Variants in ERBB4 observed in about 807,000 individuals in gnomAD.
The protein encoded by ERBB4 is receptor tyrosine-protein kinase erbB-4.
In ERBB4, 42 loss-of-function variants were observed where a neutral mutation model predicts 158.0. The ratio of observed to expected loss-of-function variants is 0.27; its 90% confidence interval spans 0.21 to 0.34. The LOEUF is 0.34. Ranked by LOEUF, ERBB4 falls within the 10% of genes least tolerant of loss-of-function variation. The pLI is 1.00. For missense variants in ERBB4, 1,333 were observed against 1,624.1 expected (o/e 0.82, Z 3.08); for synonymous variants, 583 against 558.7 (o/e 1.04, Z -0.61).
chr2:212,072,438 A>G (rs2078149696), intron 2 of ERBB4, among the ~76,000 whole-genome samples: 1 of 151,956 alleles, frequency 6.6e-6, no homozygotes, highest in Non-Finnish European at 1.5e-5. Context: ...CTCTGCATCC[A>G]CAACATGATC....
chr2:212,454,006 T>C (rs369921276), intron 1 of ERBB4, among the ~76,000 whole-genome samples: 12 of 151,912 alleles, frequency 7.9e-5, no homozygotes, highest in Non-Finnish European at 1.6e-4. Context: ...AGTGGTGCGA[T>C]CTCAGCTCAC....
intron 1 of ERBB4, among the ~76,000 whole-genome samples, chr2:212,448,310 C>T (rs1052776670): frequency 2.0e-5 from 3 of 152,074 alleles, no homozygotes; most frequent in African/African-American, 4.8e-5. Flanking sequence ...ACATGAATTG[C>T]GTACATCAGA....
intron 2 of ERBB4, among the ~76,000 whole-genome samples, chr2:211,956,029 AGTGT>A (rs3070122): frequency 0.055 from 8,110 of 146,374 alleles, 231 homozygotes; most frequent in Middle Eastern, 0.09. Flanking sequence ...TCATCTCTAA[AGTGT>A]GTGTGTGTGT....
intron 1 of ERBB4, among the ~76,000 whole-genome samples, chr2:212,173,599 T>C (rs1164955886): frequency 6.6e-6 from 1 of 152,146 alleles, no homozygotes; most frequent in Non-Finnish European, 1.5e-5. Context: ...TTTCACTGAA[T>C]GCATGCACAA....
intron 19 of ERBB4, among the ~76,000 whole-genome samples, chr2:211,580,861 A>AGATT (rs2068070641): frequency 7.4e-4 from 3 of 4,066 alleles, no homozygotes; most frequent in Admixed American, 0.019. Context: ...TATAGTATGC[A>AGATT]TATACATATA....
At chr2:211,717,555 T>C (rs13411267) in intron 7 of ERBB4, among the ~76,000 whole-genome samples, 105,740 of 152,064 alleles carry the variant, frequency 0.7, 37,122 homozygotes, top group Non-Finnish European at 0.73. Flanking sequence ...CTCGGCCTGG[T>C]GCGGTGGCTC....
intron 3 of ERBB4, among the ~76,000 whole-genome samples, chr2:211,810,301 C>A (rs2076719984): frequency 6.6e-6 from 1 of 152,118 alleles, no homozygotes; most frequent in African/African-American, 2.4e-5. Flanking sequence ...GTTAAAGTCT[C>A]CCATTATTAT....
At chr2:211,543,550 T>C (rs1430161906) in intron 20 of ERBB4, among the ~76,000 whole-genome samples, 2 of 151,960 alleles carry the variant, frequency 1.3e-5, no homozygotes, top group African/African-American at 4.8e-5. Flanking sequence ...GGACTTCAAA[T>C]GTGTAGGTGT....
intron 1 of ERBB4, among the ~76,000 whole-genome samples, chr2:212,319,835 C>A (rs1183466630): frequency 6.7e-6 from 1 of 150,168 alleles, no homozygotes; most frequent in Non-Finnish European, 1.5e-5. Context: ...CATCATTTAA[C>A]ACATATTTGT....
intron 1 of ERBB4, among the ~76,000 whole-genome samples, chr2:212,525,111 G>A (rs1176067327): frequency 6.6e-6 from 1 of 151,862 alleles, no homozygotes; most frequent in Non-Finnish European, 1.5e-5. Flanking sequence ...ATCCTGGTAT[G>A]GAATATACTT....
Position 211,816,119 on chromosome 2 carries a change from A to G in ERBB4, c.422-27960T>C, listed in dbSNP as rs537274921. ...AGACTTGCCTTGTAATTGTGAGCCA[A>G]TTCTCCCTAATAAACTCCCTTTTTT... On this transcript the variant is annotated intron_variant, in intron 3 of 27. Transcript: ENST00000342788. Among the ~76,000 whole-genome samples, 4 of 152,230 alleles carry G rather than the reference A, an allele frequency of 2.6e-5. No individual in the cohort carries two copies. The South Asian group carries it at 8.3e-4, about 32-fold the overall frequency.
At chr2:212,062,450 A>C (rs2077808028) in intron 2 of ERBB4, among the ~76,000 whole-genome samples, 1 of 104,168 alleles carries the variant, frequency 9.6e-6, no homozygotes, top group Non-Finnish European at 1.8e-5. Context: ...ATGGAGTCTC[A>C]CTCTGTTGCC....
chr2:211,548,879 C>T (rs540080555), intron 20 of ERBB4, among the ~76,000 whole-genome samples: 1 of 152,184 alleles, frequency 6.6e-6, no homozygotes, highest in African/African-American at 2.4e-5. Context: ...ATTCATGCCT[C>T]AAGAAAATTT....
intron 16 of ERBB4, among the ~76,000 whole-genome samples, chr2:211,650,986 A>T (rs2070961719): frequency 6.6e-6 from 1 of 152,188 alleles, no homozygotes; most frequent in Non-Finnish European, 1.5e-5. Flanking sequence ...GCAGGTCTAG[A>T]GCAATCTTGA....
At chr2:212,196,524 C>T (rs112908529) in intron 1 of ERBB4, among the ~76,000 whole-genome samples, 44 of 152,064 alleles carry the variant, frequency 2.9e-4, no homozygotes, top group African/African-American at 9.9e-4. Flanking sequence ...TAGTTCAAAT[C>T]TGTGTTGTTC....
chr2:211,746,556 C>G (rs1278666235), intron 5 of ERBB4, among the ~76,000 whole-genome samples: 3 of 151,836 alleles, frequency 2.0e-5, no homozygotes, highest in Non-Finnish European at 4.4e-5. Flanking sequence ...AGGCTGGGTG[C>G]ACTGGCTCAC....
At chr2:211,508,228 C>T (rs914320718) in intron 20 of ERBB4, among the ~76,000 whole-genome samples, 2 of 151,988 alleles carry the variant, frequency 1.3e-5, no homozygotes, top group Non-Finnish European at 2.9e-5. Flanking sequence ...TCTTTGCAAT[C>T]CACCCATCAG....
At chr2:211,869,042 T>C (rs1398934768) in intron 3 of ERBB4, among the ~76,000 whole-genome samples, 1 of 152,178 alleles carries the variant, frequency 6.6e-6, no homozygotes, top group Non-Finnish European at 1.5e-5. Flanking sequence ...TTCTCTAAGT[T>C]AAAGTCTAAA....
intron 1 of ERBB4, among the ~76,000 whole-genome samples, chr2:212,396,146 T>C (rs2091019979): frequency 6.6e-6 from 1 of 152,164 alleles, no homozygotes. Context: ...CTGGAAAACA[T>C]TGAAAAGAAT....
Sources: allele counts gnomAD v4.1 joint callset (sites outside exome capture counted in the v4.1 genomes callset), GRCh38; gene constraint gnomAD v4.1.1; transcripts MANE v1.5; gene names NCBI Gene and HGNC (gene_info 2026-07-23, HGNC 2026-07-21).